EIF2AK3: variants seen among roughly 807,000 people sequenced by gnomAD.
The protein encoded by EIF2AK3 is eukaryotic translation initiation factor 2 alpha kinase 3.
EIF2AK3 carries 50 observed loss-of-function variants against 113.5 expected under a neutral mutation model. The ratio of observed to expected loss-of-function variants is 0.44; its 90% confidence interval spans 0.35 to 0.56. EIF2AK3 has a LOEUF of 0.56. Among genes scored for constraint, EIF2AK3 ranks in the 20% least tolerant of loss-of-function variants. The pLI is 0.00. For missense variants in EIF2AK3, 1,185 were observed against 1,378.0 expected (o/e 0.86, Z 2.22); for synonymous variants, 448 against 495.4 (o/e 0.90, Z 1.27).
intron 3 of EIF2AK3, chr2:88,593,982 T>C (rs1674949413): frequency 2.0e-6 from 2 of 984,858 alleles, no homozygotes; most frequent in Admixed American, 6.0e-5. Flanking sequence ...TCAATCCTGT[T>C]GTTTACAGAT....
At position 88,557,954 on chromosome 2, in the gene EIF2AK3, G is replaced by T; in HGVS notation, c.3151-18C>A. The T allele has an allele frequency of 6.2e-7, 1 of 1,611,424 alleles. No homozygotes were observed. On this transcript the variant is annotated intron_variant, in intron 16 of 16. Transcript: ENST00000303236. Reference sequence around the variant, plus strand: ...ATCACGTACTGAAAATATAAAAATTGTTTTGTGATAAAACGGCCAGGTTTG... The same window carrying T: ...ATCACGTACTGAAAATATAAAAATTTTTTTGTGATAAAACGGCCAGGTTTG...
At chr2:88,587,895 C>T (rs1674778338) in intron 8 of EIF2AK3, 87 bp downstream of exon 8, 1 of 931,496 alleles carries the variant, frequency 1.1e-6, no homozygotes. Context: ...GTTTTATTGT[C>T]TATACTCTAA....
At chr2:88,584,174 G>C (rs1013881927) in intron 9 of EIF2AK3, among the ~76,000 whole-genome samples, 1 of 152,066 alleles carries the variant, frequency 6.6e-6, no homozygotes, top group African/African-American at 2.4e-5. Context: ...CTGTGTAAGG[G>C]GCTGAGGAGA....
Position 88,593,413 on chromosome 2 carries a change from G to GACAAAATTAGAT in EIF2AK3, c.634-20_634-9dup. On this transcript the variant is annotated splice_polypyrimidine_tract_variant and intron_variant, in intron 3 of 16. Transcript: ENST00000303236. ...TGAACAGATATACCTCACCTGAAAA[G>GACAAAATTAGAT]ACAAAATTAGATACAAAATTAGTAA... 2 of 1,613,604 alleles carry GACAAAATTAGAT rather than the reference G, an allele frequency of 1.2e-6. No individual in the cohort carries two copies. Among genetic ancestry groups the GACAAAATTAGAT allele is most frequent in the Non-Finnish European group, 1.7e-6 (2 of 1,179,808 alleles).
At chr2:88,567,212 C>A (rs964188073) in intron 14 of EIF2AK3, among the ~76,000 whole-genome samples, 4 of 139,812 alleles carry the variant, frequency 2.9e-5, no homozygotes, top group African/African-American at 1.0e-4. Context: ...CCCTTTCTAA[C>A]CTTTTTTTTT....
chr2:88,584,395 T>C (rs953229451), intron 9 of EIF2AK3, among the ~76,000 whole-genome samples: 2 of 151,944 alleles, frequency 1.3e-5, no homozygotes, highest in Non-Finnish European at 2.9e-5. Flanking sequence ...TATATGCCAA[T>C]AGTCCCAGCT....
Position 88,575,235 on chromosome 2 carries a change from C to A in EIF2AK3, c.2248G>T (p.Asp750Tyr). 1 of 1,613,504 alleles carries A rather than the reference C, an allele frequency of 6.2e-7. No individual in the cohort carries two copies. Among genetic ancestry groups the A allele is most frequent in the Non-Finnish European group, 8.5e-7 (1 of 1,179,626 alleles). Reference sequence around the variant, plus strand: ...GCTGCATCCACTGACTCACTGATGTCCTCATGGTCCATTCCTGAGAATTCC... The same window carrying A: ...GCTGCATCCACTGACTCACTGATGTACTCATGGTCCATTCCTGAGAATTCC... Reference protein sequence around the residue: ...PLEFSGMDHEDISESVDAAYN... With the variant: ...PLEFSGMDHEYISESVDAAYN... Residue 750 changes from aspartate (D) to tyrosine (Y), a missense_variant, in exon 13 of 17, where the codon GAC becomes TAC. Around this residue, in one of 3 missense-constraint regions of EIF2AK3, gnomAD observed 877 missense variants for 1,024.2 expected, o/e 0.86. Coordinates refer to ENST00000303236, the MANE Select transcript of EIF2AK3 (RefSeq NM_004836.7).
intron 8 of EIF2AK3, 133 bp downstream of exon 8, chr2:88,587,849 T>TG: frequency 1.6e-6 from 1 of 616,778 alleles, no homozygotes; most frequent in South Asian, 2.8e-5. Context: ...GGAGCTTGTA[T>TG]GCTTAGTAAT....
At chr2:88,587,957 A>T in intron 8 of EIF2AK3, 25 bp downstream of exon 8, 1 of 1,478,962 alleles carries the variant, frequency 6.8e-7, no homozygotes, top group Non-Finnish European at 9.3e-7. Context: ...AAATAAAATA[A>T]ATAAAACTCA....
chr2:88,558,835 G>C, intron 16 of EIF2AK3, 82 bp downstream of exon 16: 1 of 1,139,384 alleles, frequency 8.8e-7, no homozygotes, highest in Non-Finnish European at 1.3e-6. Context: ...CTGTAAAATA[G>C]GGGAAACTGA....
intron 9 of EIF2AK3, 112 bp downstream of exon 9, chr2:88,585,729 G>C: frequency 1.0e-6 from 1 of 1,000,434 alleles, no homozygotes; most frequent in Non-Finnish European, 1.5e-6. Flanking sequence ...GAGAACTTTG[G>C]CAAGAGTAGC....
chr2:88,596,720 G>A (rs1253713818), intron 2 of EIF2AK3, among the ~76,000 whole-genome samples: 1 of 152,124 alleles, frequency 6.6e-6, no homozygotes, highest in Non-Finnish European at 1.5e-5. Context: ...GAGAGAGCAG[G>A]CAGAAGGTAA....
At chr2:88,609,100 C>T (rs1229253530) in intron 2 of EIF2AK3, among the ~76,000 whole-genome samples, 2 of 151,316 alleles carry the variant, frequency 1.3e-5, no homozygotes, top group African/African-American at 2.4e-5. Context: ...GACAAATGTT[C>T]AACTTTTGAA....
chr2:88,590,645 A>G (rs1558654963), intron 5 of EIF2AK3, 40 bp from the exon 6 acceptor site: 1 of 1,604,270 alleles, frequency 6.2e-7, no homozygotes, highest in South Asian at 1.1e-5. Flanking sequence ...TAATTCAAGC[A>G]GTAGTTATAT....
chr2:88,576,580 C>T lies in EIF2AK3; in HGVS notation c.2010G>A (p.Met670Ile). The T allele has an allele frequency of 6.2e-7, 1 of 1,614,064 alleles. No homozygotes were observed. Among genetic ancestry groups the T allele is most frequent in the Non-Finnish European group, 8.5e-7 (1 of 1,179,990 alleles). ...TTTCATCTTTCAGCCAAATTTCATC[C>T]ATCTTTTCTTGCCACTTCTCTGGTG... The part of the protein sequence containing the change: ...EAPPEKWQEK[M>I]DEIWLKDEST... Residue 670 changes from methionine (M) to isoleucine (I), a missense_variant, in exon 12 of 17, where the codon ATG (methionine) becomes ATA (isoleucine). Transcript: ENST00000303236.
chr2:88,568,231 G>A (rs1674194424), intron 14 of EIF2AK3, among the ~76,000 whole-genome samples: 1 of 152,110 alleles, frequency 6.6e-6, no homozygotes, highest in South Asian at 2.1e-4. Flanking sequence ...AAATCCAGTG[G>A]TTCTTGAAGT....
intron 2 of EIF2AK3, among the ~76,000 whole-genome samples, chr2:88,611,139 G>A (rs1256732965): frequency 6.6e-6 from 1 of 152,210 alleles, no homozygotes; most frequent in East Asian, 1.9e-4. Flanking sequence ...TAAAGAAAGG[G>A]AGGTATATAC....
intron 14 of EIF2AK3, among the ~76,000 whole-genome samples, chr2:88,563,974 A>AT (rs762682129): frequency 4.3e-4 from 65 of 152,284 alleles, no homozygotes; most frequent in Non-Finnish European, 7.6e-4. Context: ...GGACAGATAG[A>AT]TATATAATGT....
intron 9 of EIF2AK3, among the ~76,000 whole-genome samples, chr2:88,584,959 T>C (rs1573400911): frequency 6.6e-6 from 1 of 152,230 alleles, no homozygotes; most frequent in East Asian, 1.9e-4. Context: ...TTGCATGTTT[T>C]AAGAAGGTTG....
Sources: allele counts gnomAD v4.1 joint callset (sites outside exome capture counted in the v4.1 genomes callset), GRCh38; gene constraint gnomAD v4.1.1; regional missense constraint gnomAD v4.1.1; transcripts MANE v1.5; gene names NCBI Gene and HGNC (gene_info 2026-07-23, HGNC 2026-07-21).